ATP8A2: variants seen among roughly 807,000 people sequenced by gnomAD.
ATP8A2 encodes the protein ATPase phospholipid transporting 8A2.
In ATP8A2, 100 loss-of-function variants were observed where a neutral mutation model predicts 165.6. The observed-to-expected ratio is 0.60, with a 90% CI of 0.51 to 0.71. ATP8A2 has a LOEUF of 0.71. Ranked by LOEUF, ATP8A2 falls within the 30% of genes least tolerant of loss-of-function variation. ATP8A2 has a pLI of 0.00. For missense variants in ATP8A2, 1,227 were observed against 1,479.5 expected (o/e 0.83, Z 2.80); for synonymous variants, 543 against 548.8 (o/e 0.99, Z 0.15).
At chr13:25,541,107 T>A (rs763147376) in intron 8 of ATP8A2, among the ~76,000 whole-genome samples, 24 of 152,036 alleles carry the variant, frequency 1.6e-4, no homozygotes, top group Non-Finnish European at 3.2e-4. Flanking sequence ...TCAAGTGATC[T>A]GCTTGCTTTG....
intron 24 of ATP8A2, among the ~76,000 whole-genome samples, chr13:25,676,794 G>T (rs2042382034): frequency 6.6e-6 from 1 of 152,034 alleles, no homozygotes; most frequent in Admixed American, 6.5e-5. Flanking sequence ...GAGAATACAG[G>T]CCAGTATTCT....
At chr13:25,971,612 G>A (rs1038192105) in intron 35 of ATP8A2, among the ~76,000 whole-genome samples, 3 of 152,052 alleles carry the variant, frequency 2.0e-5, no homozygotes, top group Non-Finnish European at 2.9e-5. Flanking sequence ...TAGTGAGGTG[G>A]TAGTGAGGAA....
intron 2 of ATP8A2, among the ~76,000 whole-genome samples, chr13:25,526,606 A>G (rs2037849011): frequency 6.6e-6 from 1 of 152,192 alleles, no homozygotes; most frequent in Non-Finnish European, 1.5e-5. Context: ...AAATGGTGCC[A>G]AAGGGGATAG....
chr13:25,552,400 C>T (rs954066935), intron 11 of ATP8A2, among the ~76,000 whole-genome samples: 2 of 152,114 alleles, frequency 1.3e-5, no homozygotes, highest in Non-Finnish European at 2.9e-5. Context: ...TTCATTCTCT[C>T]CTCACTCCTT....
At chr13:25,714,252 A>G (rs1316097982) in intron 25 of ATP8A2, among the ~76,000 whole-genome samples, 1 of 152,144 alleles carries the variant, frequency 6.6e-6, no homozygotes, top group African/African-American at 2.4e-5. Context: ...TGTCCCGGCC[A>G]CATTGGACTC....
intron 35 of ATP8A2, among the ~76,000 whole-genome samples, chr13:25,971,556 A>G (rs1955913755): frequency 6.6e-6 from 1 of 151,976 alleles, no homozygotes; most frequent in Non-Finnish European, 1.5e-5. Context: ...CCGCACAGGA[A>G]ACTCTGTCAA....
intron 33 of ATP8A2, among the ~76,000 whole-genome samples, chr13:25,894,867 T>C (rs1358223526): frequency 6.6e-6 from 1 of 152,164 alleles, no homozygotes; most frequent in Non-Finnish European, 1.5e-5. Context: ...ATGCTTGTGA[T>C]TTTTGCACAT....
intron 29 of ATP8A2, among the ~76,000 whole-genome samples, chr13:25,838,267 T>C (rs546888166): frequency 7.2e-5 from 11 of 152,328 alleles, no homozygotes; most frequent in African/African-American, 2.2e-4. Flanking sequence ...CAGATGTTCC[T>C]GACGTCCCTT....
intron 25 of ATP8A2, among the ~76,000 whole-genome samples, chr13:25,737,846 A>G (rs746182241): frequency 7.2e-5 from 11 of 152,012 alleles, no homozygotes; most frequent in East Asian, 5.8e-4. Context: ...ACCATGCCTG[A>G]CTAATTTTTT....
chr13:25,544,764 A>G (rs969619079), intron 10 of ATP8A2, among the ~76,000 whole-genome samples: 26 of 152,138 alleles, frequency 1.7e-4, no homozygotes, highest in African/African-American at 6.0e-4. Context: ...TGAAGATGCG[A>G]TAATGATGAA....
intron 6 of ATP8A2, among the ~76,000 whole-genome samples, chr13:25,537,677 G>C (rs9581382): frequency 0.064 from 9,677 of 152,224 alleles, 402 homozygotes; most frequent in South Asian, 0.13. Flanking sequence ...TGGAAATGCT[G>C]AAGTATTTGT....
intron 35 of ATP8A2, among the ~76,000 whole-genome samples, chr13:25,999,671 G>C (rs1156275514): frequency 1.3e-5 from 2 of 152,184 alleles, no homozygotes; most frequent in Non-Finnish European, 1.5e-5. Context: ...TGAGGGCAGA[G>C]GCTGTGTCTT....
At chr13:25,609,275 G>A (rs987113860) in intron 24 of ATP8A2, among the ~76,000 whole-genome samples, 1 of 151,866 alleles carries the variant, frequency 6.6e-6, no homozygotes, top group Non-Finnish European at 1.5e-5. Context: ...AGGTAGAGCA[G>A]TGAGTAGAAT....
At chr13:25,498,580 G>A (rs2036751784) in intron 2 of ATP8A2, among the ~76,000 whole-genome samples, 1 of 152,146 alleles carries the variant, frequency 6.6e-6, no homozygotes, top group Admixed American at 6.5e-5. Flanking sequence ...GGATAATCCT[G>A]TTAATACCCT....
At chr13:25,490,080 T>C (rs1271724348) in intron 2 of ATP8A2, among the ~76,000 whole-genome samples, 1 of 152,192 alleles carries the variant, frequency 6.6e-6, no homozygotes, top group Non-Finnish European at 1.5e-5. Context: ...GCCTGCAAGG[T>C]TACTCCTTAG....
chr13:25,881,728 G>A (rs1379849245), intron 33 of ATP8A2, among the ~76,000 whole-genome samples: 1 of 152,166 alleles, frequency 6.6e-6, no homozygotes, highest in Non-Finnish European at 1.5e-5. Context: ...TTCACTGCAG[G>A]TGTTTCCCTC....
intron 24 of ATP8A2, among the ~76,000 whole-genome samples, chr13:25,664,746 T>G (rs1333420788): frequency 6.6e-6 from 1 of 152,068 alleles, no homozygotes; most frequent in Non-Finnish European, 1.5e-5. Flanking sequence ...TGTGAAAGAT[T>G]TTTCCACATC....
intron 27 of ATP8A2, among the ~76,000 whole-genome samples, chr13:25,775,695 A>T (rs1202540661): frequency 1.3e-5 from 2 of 152,226 alleles, no homozygotes; most frequent in Non-Finnish European, 2.9e-5. Flanking sequence ...TTTTGAGGCC[A>T]TCATGACTAA....
chr13:25,912,025 C>A (rs987426451), intron 33 of ATP8A2, among the ~76,000 whole-genome samples: 3 of 152,058 alleles, frequency 2.0e-5, no homozygotes, highest in Non-Finnish European at 4.4e-5. Flanking sequence ...GGCATTTACC[C>A]AAAGATTTCA....
Sources: gnomAD v4.1 joint callset for allele counts (sites outside exome capture counted in the v4.1 genomes callset) on GRCh38, gnomAD v4.1.1 for gene constraint, MANE v1.5 for transcripts, NCBI Gene and HGNC (gene_info 2026-07-23, HGNC 2026-07-21) for gene names.